Variants in CHL1 observed in about 807,000 individuals in gnomAD.
CHL1 encodes cell adhesion molecule L1 like.
Under a neutral mutation model 141.9 loss-of-function variants are expected in CHL1, and 96 were observed. The observed-to-expected ratio is 0.68, with a 90% confidence interval of 0.57 to 0.80. The LOEUF (loss-of-function observed/expected upper bound fraction) is 0.80, where lower values mean the gene tolerates loss of function less well. Ranked by LOEUF, CHL1 falls within the 30% of genes least tolerant of loss-of-function variation. CHL1 has a pLI of 0.00. For missense variants in CHL1, 1,820 were observed against 1,457.2 expected, an observed-to-expected ratio of 1.25 and a Z score of -4.05; for synonymous variants, 613 against 502.2, an observed-to-expected ratio of 1.22 and a Z score of -2.95.
At chr3:348,339 C>T (rs1032056999) in intron 9 of CHL1, among the ~76,000 whole-genome samples, 1 of 152,106 alleles carries the variant, frequency 6.6e-6, no homozygotes, top group East Asian at 1.9e-4. Flanking sequence ...CTACTAATAA[C>T]AAGAAGAAAT....
At chr3:377,646 T>C (rs1439780759) in intron 15 of CHL1, among the ~76,000 whole-genome samples, 172 bp from the exon 16 acceptor site, 2 of 152,246 alleles carry the variant, frequency 1.3e-5, no homozygotes, top group Non-Finnish European at 2.9e-5. Context: ...GCTAGAATAA[T>C]TCTTTATCTC....
chr3:230,651 T>C lies in CHL1; in HGVS notation c.-174-13962T>C, dbSNP rs559781729. Among the ~76,000 whole-genome samples the C allele has an allele frequency of 6.6e-4, 101 of 152,300 alleles. 1 individual carries two copies. The highest frequency in any genetic ancestry group is 1.1e-3 in the Non-Finnish European group (74 of 68,018). ...ATTTAGTCTGTAAATTAATTTTATT[T>C]TTCATCATTTATAAATAAACCTAGT... On this transcript the variant is annotated intron_variant, in intron 1 of 27. Coordinates refer to ENST00000256509, the MANE Select transcript of CHL1 (RefSeq NM_006614.4).
chr3:395,002 C>T, intron 24 of CHL1, 130 bp downstream of exon 24: 1 of 755,684 alleles, frequency 1.3e-6, no homozygotes, highest in African/African-American at 1.8e-5. Flanking sequence ...CCCACTCTGT[C>T]TGACCTTCTG....
intron 1 of CHL1, among the ~76,000 whole-genome samples, chr3:229,667 T>A (rs1020460553): frequency 1.3e-5 from 2 of 152,182 alleles, no homozygotes; most frequent in East Asian, 3.8e-4. Flanking sequence ...TACTACATTT[T>A]ATCGACTCTT....
chr3:245,585 G>C (rs571484646), intron 2 of CHL1, among the ~76,000 whole-genome samples: 13 of 152,174 alleles, frequency 8.5e-5, no homozygotes, highest in African/African-American at 2.2e-4. Context: ...TTTCTCAGGA[G>C]CACATTATGT....
At chr3:344,545 A>C in intron 8 of CHL1, 44 bp from the exon 9 acceptor site, 1 of 1,487,524 alleles carries the variant, frequency 6.7e-7, no homozygotes, top group Non-Finnish European at 9.3e-7. Context: ...AATTTTATGT[A>C]TATTAATTTG....
chr3:399,399 T>TGGGAGGCC (rs1365049689), intron 26 of CHL1, among the ~76,000 whole-genome samples: 2 of 152,140 alleles, frequency 1.3e-5, no homozygotes, highest in African/African-American at 4.8e-5. Context: ...TCCAGCAGTT[T>TGGGAGGCC]GGGAGGCCGA....
intron 20 of CHL1, among the ~76,000 whole-genome samples, chr3:389,701 A>G (rs1321194941): frequency 6.6e-6 from 1 of 152,194 alleles, no homozygotes; most frequent in Non-Finnish European, 1.5e-5. Context: ...CATTTTATTC[A>G]GTTTCCTATA....
chr3:398,954 A>G (rs1354702551), intron 25 of CHL1, 63 bp from the exon 26 acceptor site: 19 of 1,498,922 alleles, frequency 1.3e-5, no homozygotes, highest in Middle Eastern at 1.7e-4. Context: ...ATTTTCCCCA[A>G]TGTTACAGAA....
At chr3:401,413 C>A (rs1453188424) in intron 26 of CHL1, among the ~76,000 whole-genome samples, 1 of 152,100 alleles carries the variant, frequency 6.6e-6, no homozygotes, top group Non-Finnish European at 1.5e-5. Context: ...GGTGTGACGA[C>A]AAGTAGAACC....
intron 2 of CHL1, among the ~76,000 whole-genome samples, chr3:313,223 A>G (rs1040124239): frequency 6.6e-6 from 1 of 152,118 alleles, no homozygotes; most frequent in Admixed American, 6.5e-5. Flanking sequence ...TGTTCACTGA[A>G]TTTGCTGTGT....
At position 354,862 on chromosome 3, in the gene CHL1, T is replaced by A. The variant is rs61088058; in HGVS notation, c.1165+91T>A. 3.3e-3 allele frequency: 5,018 copies of A among 1,508,610 alleles called. 150 individuals carry two copies. The African/African-American group carries it at 0.062, about 19-fold the overall frequency. 93.5% of individuals were successfully genotyped at this position (1,508,610 alleles called of 1,614,324 possible). A position where few individuals can be genotyped will look rare whatever the true frequency, so the allele number is the denominator to read the frequency against. On this transcript the variant is annotated intron_variant, in intron 11 of 27. Coordinates refer to ENST00000256509, the MANE Select transcript of CHL1 (RefSeq NM_006614.4). ...AGACGTGTGTAAAATGAAGTTGGTA[T>A]GTGGTTGGATTAGCAGGACAGATAC...
chr3:239,623 T>C (rs4003415), intron 1 of CHL1, among the ~76,000 whole-genome samples: 75,634 of 148,418 alleles, frequency 0.51, 20,812 homozygotes, highest in Non-Finnish European at 0.62. Flanking sequence ...AATTATTTTT[T>C]CATAGGCTTT....
chr3:311,319 C>T (rs1303548302), intron 2 of CHL1, among the ~76,000 whole-genome samples: 1 of 150,910 alleles, frequency 6.6e-6, no homozygotes, highest in Non-Finnish European at 1.5e-5. Context: ...GTGACTGCTT[C>T]AATAGTAATG....
At chr3:368,625 T>C (rs984428820) in intron 15 of CHL1, among the ~76,000 whole-genome samples, 1 of 152,234 alleles carries the variant, frequency 6.6e-6, no homozygotes, top group Non-Finnish European at 1.5e-5. Flanking sequence ...TTCTGGCTTT[T>C]GTTTCAATTG....
At chr3:297,618 G>A (rs755111235) in intron 2 of CHL1, among the ~76,000 whole-genome samples, 3 of 152,156 alleles carry the variant, frequency 2.0e-5, no homozygotes, top group African/African-American at 4.8e-5. Context: ...AGAGAACAAA[G>A]CCATATCAAA....
rs143150595 is a variant in CHL1 at position 234,450 on chromosome 3, G to A, written c.-174-10163G>A. ...GGTTCACTGCAGCATGAGACGTTAC[G>A]TAGTTATCAAGACTAAAATACAAAG... On this transcript the variant is annotated intron_variant, in intron 1 of 27. Transcript: ENST00000256509. Among the ~76,000 whole-genome samples, 23 of 152,162 alleles carry A rather than the reference G, an allele frequency of 1.5e-4. No homozygotes were observed. The East Asian group carries it at 1.5e-3, about 10-fold the overall frequency.
chr3:378,038 C>T, intron 16 of CHL1, 96 bp downstream of exon 16: 1 of 1,083,930 alleles, frequency 9.2e-7, no homozygotes, highest in Non-Finnish European at 1.3e-6. Flanking sequence ...CTTTGAGCCC[C>T]TGCACATATA....
At chr3:391,469 T>C (rs1015294401) in intron 22 of CHL1, among the ~76,000 whole-genome samples, 2 of 152,196 alleles carry the variant, frequency 1.3e-5, no homozygotes, top group Admixed American at 6.5e-5. Context: ...TGAGCCAAGA[T>C]TGGGCTACTG....
Sources: allele counts gnomAD v4.1 joint callset (sites outside exome capture counted in the v4.1 genomes callset), GRCh38; gene constraint gnomAD v4.1.1; transcripts MANE v1.5; gene names NCBI Gene and HGNC (gene_info 2026-07-23, HGNC 2026-07-21).